The following ANK1 variants were observed in gnomAD, a reference collection of about 807,000 sequenced individuals.
ANK1 encodes ankyrin 1.
In ANK1, 51 loss-of-function variants were observed where a neutral mutation model predicts 210.4. That is an observed-to-expected ratio of 0.24 (90% CI 0.19 to 0.31). The LOEUF is 0.31. Among genes scored for constraint, ANK1 ranks in the 10% least tolerant of loss-of-function variants. The pLI, the probability that ANK1 is intolerant of heterozygous loss-of-function variation, is 1.00. For synonymous variants in ANK1, 967 were observed against 1,025.9 expected, an observed-to-expected ratio of 0.94 and a Z score of 1.10; for missense variants, 2,051 against 2,504.4, an observed-to-expected ratio of 0.82 and a Z score of 3.86.
At chr8:41,879,711 C>A (rs1341258035) in intron 1 of ANK1, among the ~76,000 whole-genome samples, 1 of 152,210 alleles carries the variant, frequency 6.6e-6, no homozygotes, top group East Asian at 1.9e-4. Context: ...GAAGGACCAA[C>A]AACCAGCGCA....
At chr8:41,663,828 T>A in intron 39 of ANK1, 86 bp from the exon 40 acceptor site, 1 of 1,025,262 alleles carries the variant, frequency 9.8e-7, no homozygotes, top group Non-Finnish European at 1.5e-6. Flanking sequence ...GAAACAGCAG[T>A]AGCCACAATA....
At chr8:41,779,277 T>C (rs1315944252) in intron 1 of ANK1, among the ~76,000 whole-genome samples, 1 of 152,014 alleles carries the variant, frequency 6.6e-6, no homozygotes, top group Non-Finnish European at 1.5e-5. Flanking sequence ...TCCCTTTCTC[T>C]CACTCTGTTG....
At chr8:41,724,859 CT>C (rs1025827591) in intron 6 of ANK1, among the ~76,000 whole-genome samples, 12 of 152,064 alleles carry the variant, frequency 7.9e-5, no homozygotes, top group Non-Finnish European at 1.5e-4. Flanking sequence ...GGGCTATGGT[CT>C]TTTTTTCCTC....
rs114280348 is a variant in ANK1 at position 41,759,058 on chromosome 8, C to G, written c.28-921G>C. Among the ~76,000 whole-genome samples the G allele has an allele frequency of 3.7e-3, 560 of 152,124 alleles. 3 individuals are homozygous for G. Among genetic ancestry groups the G allele is most frequent in the African/African-American group, 0.013 (534 of 41,506 alleles). ...GTGTTTTTGTTAAGTAAACAAACAGCTATGTGCTGTCAAGTAAACAGCACA... is the reference window on the plus strand; with the variant it reads ...GTGTTTTTGTTAAGTAAACAAACAGGTATGTGCTGTCAAGTAAACAGCACA... On this transcript the variant is annotated intron_variant, in intron 1 of 42. Transcript: ENST00000289734.
At chr8:41,702,684 A>G (rs1823190989) in intron 20 of ANK1, among the ~76,000 whole-genome samples, 1 of 152,242 alleles carries the variant, frequency 6.6e-6, no homozygotes. Context: ...AAAGAGGAAG[A>G]GCTACGTGAT....
At chr8:41,733,187 A>T (rs945725873) in intron 3 of ANK1, among the ~76,000 whole-genome samples, 1 of 152,232 alleles carries the variant, frequency 6.6e-6, no homozygotes, top group Non-Finnish European at 1.5e-5. Context: ...TTTATAATCT[A>T]CTGAAATGGA....
intron 1 of ANK1, among the ~76,000 whole-genome samples, chr8:41,775,925 G>A (rs968101046): frequency 1.7e-4 from 26 of 152,252 alleles, no homozygotes; most frequent in African/African-American, 5.8e-4. Flanking sequence ...GTGTGAGCCA[G>A]GTATTGTTCA....
intron 1 of ANK1, among the ~76,000 whole-genome samples, chr8:41,859,609 A>C (rs561029019): frequency 1.2e-4 from 18 of 152,312 alleles, no homozygotes; most frequent in African/African-American, 4.3e-4. Flanking sequence ...CAAAGTGCTG[A>C]GATTACAGGC....
At chr8:41,670,704 GGGTGGGACTGAGGGGTCACACA>G (rs1045842412) in intron 38 of ANK1, among the ~76,000 whole-genome samples, 21 of 152,314 alleles carry the variant, frequency 1.4e-4, no homozygotes, top group African/African-American at 2.9e-4. Context: ...CTGGGCCTCA[GGGTGGGACTGAGGGGTCACACA>G]GGTGGGACTG....
chr8:41,722,526 C>A (rs918398340), intron 9 of ANK1, among the ~76,000 whole-genome samples: 16 of 152,228 alleles, frequency 1.1e-4, no homozygotes, highest in African/African-American at 3.4e-4. Flanking sequence ...ACAGCTTTCA[C>A]CCCTTGAAGA....
chr8:41,833,139 G>A (rs1396601875), intron 1 of ANK1, among the ~76,000 whole-genome samples: 1 of 152,216 alleles, frequency 6.6e-6, no homozygotes, highest in Non-Finnish European at 1.5e-5. Context: ...TTTCTGAGCA[G>A]GCTGTGTGGA....
In ANK1 at chr8:41,715,060, A is replaced by G. The variant is rs1327832392; in HGVS notation, c.1617T>C (p.Pro539=). The change falls in exon 15 of 43, where the codon CCT becomes CCC. Residue 539 remains proline, a synonymous_variant. Coordinates refer to ENST00000289734, the MANE Select transcript of ANK1 (RefSeq NM_000037.4). ...QACMTKKGFT[P]LHVAAKYGKV... Reference sequence around the variant, plus strand: ...TCCCGTACTTGGCCGCCACGTGCAGAGGGGTAAATCCTTTCTGAGGAGAAA... The same window carrying G: ...TCCCGTACTTGGCCGCCACGTGCAGGGGGGTAAATCCTTTCTGAGGAGAAA... The G allele has an allele frequency of 6.2e-7, 1 of 1,613,968 alleles. No homozygotes were observed. Among genetic ancestry groups the G allele is most frequent in the Non-Finnish European group, 8.5e-7 (1 of 1,180,016 alleles).
At position 41,822,348 on chromosome 8, in the gene ANK1, C is replaced by T. The variant is rs150809833; in HGVS notation, c.127-64211G>A. Among the ~76,000 whole-genome samples the T allele has an allele frequency of 2.9e-3, 448 of 152,340 alleles. 4 individuals are homozygous for T. Among genetic ancestry groups the T allele is most frequent in the Non-Finnish European group, 3.7e-3 (255 of 68,040 alleles). ...ATTGGCATAGCTTTGCACTGGAAGA[C>T]AGCACGCTTGTGTGCTGATGGCTGA... On this transcript the variant is annotated intron_variant, in intron 1 of 42. Transcript: ENST00000265709.
rs77604514 is a variant in ANK1 at position 41,792,854 on chromosome 8, C to T, written c.27+4658G>A. Among the ~76,000 whole-genome samples, 153 of 152,342 alleles carry T rather than the reference C, an allele frequency of 1.0e-3. 2 individuals are homozygous for T. The East Asian group carries it at 0.028, about 28-fold the overall frequency. Reference sequence around the variant, plus strand: ...CAAACTGCTAAGCAGTCATCAACCACGAGGTGTTCTGCAAATAATTTACTG... The same window carrying T: ...CAAACTGCTAAGCAGTCATCAACCATGAGGTGTTCTGCAAATAATTTACTG... On this transcript the variant is annotated intron_variant, in intron 1 of 42. Transcript: ENST00000289734.
intron 2 of ANK1, among the ~76,000 whole-genome samples, chr8:41,750,794 C>T (rs944598939): frequency 4.6e-5 from 7 of 152,216 alleles, no homozygotes; most frequent in Admixed American, 1.3e-4. Flanking sequence ...GCCTGGGCTG[C>T]TCTGGGAAGT....
intron 39 of ANK1, among the ~76,000 whole-genome samples, chr8:41,666,596 C>T (rs1810618760): frequency 6.6e-6 from 1 of 152,250 alleles, no homozygotes; most frequent in African/African-American, 2.4e-5. Flanking sequence ...TCCCAAGTTA[C>T]ATGCAATCTC....
chr8:41,724,527 C>A lies in ANK1; in HGVS notation c.640G>T (p.Ala214Ser). ...GCCACGTTGAGGTTCTCGTAGTGAG[C>A]CGCAATGTGCAGGGGCGTGAATCCC... ...KTGFTPLHIAAHYENLNVAQL... is the reference protein window; with the variant it reads ...KTGFTPLHIASHYENLNVAQL... The change falls in exon 7 of 43, where the codon GCT becomes TCT. Residue 214 changes from alanine to serine, a missense_variant. Physicochemically the swap from Ala to Ser is moderately conservative, Grantham distance 99 (BLOSUM62 1). Transcript: ENST00000289734. The A allele has an allele frequency of 6.3e-7, 1 of 1,599,568 alleles. No homozygotes were observed. The highest frequency in any genetic ancestry group is 8.5e-7 in the Non-Finnish European group (1 of 1,172,956).
chr8:41,700,199 G>T (rs1822340296), intron 22 of ANK1, among the ~76,000 whole-genome samples: 1 of 152,210 alleles, frequency 6.6e-6, no homozygotes, highest in Non-Finnish European at 1.5e-5. Context: ...ATGCGGTTAT[G>T]ATCATAAACA....
At chr8:41,707,321 A>G (rs921937923) in intron 17 of ANK1, among the ~76,000 whole-genome samples, 5 of 152,226 alleles carry the variant, frequency 3.3e-5, no homozygotes, top group Admixed American at 3.3e-4. Flanking sequence ...CTTTGCCTCA[A>G]TACACTTTGC....
Sources: allele counts gnomAD v4.1 joint callset (sites outside exome capture counted in the v4.1 genomes callset), GRCh38; gene constraint gnomAD v4.1.1; transcripts MANE v1.5; gene names NCBI Gene and HGNC (gene_info 2026-07-23, HGNC 2026-07-21).